Variants in MIPOL1 observed in about 807,000 individuals in gnomAD.
The protein encoded by MIPOL1 is mirror-image polydactyly gene 1 protein.
MIPOL1 carries 57 observed loss-of-function variants against 60.9 expected under a neutral mutation model. The observed-to-expected ratio is 0.94, with a 90% CI of 0.76 to 1.17. The LOEUF is 1.17. Among genes scored for constraint, MIPOL1 ranks in the 50% most tolerant of loss-of-function variants. The pLI, the probability that MIPOL1 is intolerant of heterozygous loss-of-function variation, is 0.00. For missense variants in MIPOL1, 551 were observed against 511.6 expected, an observed-to-expected ratio of 1.08 and a Z score of -0.74; for synonymous variants, 179 against 168.8, an observed-to-expected ratio of 1.06 and a Z score of -0.47.
chr14:37,452,006 G>A (rs372663648), intron 11 of MIPOL1, among the ~76,000 whole-genome samples: 9 of 150,874 alleles, frequency 6.0e-5, no homozygotes, highest in African/African-American at 2.0e-4. Flanking sequence ...TAGTAGAGAC[G>A]GGGTTTCACC....
chr14:37,376,105 AC>A (rs1244347158), intron 10 of MIPOL1, among the ~76,000 whole-genome samples: 9 of 152,160 alleles, frequency 5.9e-5, no homozygotes, highest in Admixed American at 4.6e-4. Flanking sequence ...CACTGGTCCC[AC>A]AGACATACAA....
At chr14:37,323,754 A>G (rs561241248) in intron 9 of MIPOL1, among the ~76,000 whole-genome samples, 1 of 151,966 alleles carries the variant, frequency 6.6e-6, no homozygotes, top group Non-Finnish European at 1.5e-5. Context: ...CCTCATTTAT[A>G]TTTCCTTCTA....
In MIPOL1 at chr14:37,285,328, A is replaced by C; in HGVS notation, c.504A>C (p.Glu168Asp). The C allele has an allele frequency of 6.2e-7, 1 of 1,614,010 alleles. No individual in the cohort carries two copies. Among genetic ancestry groups the C allele is most frequent in the Non-Finnish European group, 8.5e-7 (1 of 1,179,960 alleles). Residue 168 changes from glutamate (E) to aspartate (D), a missense_variant, in exon 7 of 13, where the codon GAA becomes GAC. Coordinates refer to ENST00000684589, the MANE Select transcript of MIPOL1 (RefSeq NM_001388067.1). Reference protein sequence around the residue: ...KIAEKTAALVEEVYFAQKERD... With the variant: ...KIAEKTAALVDEVYFAQKERD... ...TATATATTTTGGTAGCTCTGGTTGA[A>C]GAAGTGTATTTTGCGCAGAAGGAAC...
intron 12 of MIPOL1, among the ~76,000 whole-genome samples, chr14:37,517,974 A>T (rs1488274418): frequency 6.6e-6 from 1 of 152,212 alleles, no homozygotes; most frequent in African/African-American, 2.4e-5. Flanking sequence ...TTGAAATCAA[A>T]TTAAAAAGAT....
chr14:37,544,938 G>A (rs878944155), intron 12 of MIPOL1, among the ~76,000 whole-genome samples: 3 of 152,202 alleles, frequency 2.0e-5, no homozygotes, highest in Admixed American at 2.0e-4. Context: ...GAGCCTGTCT[G>A]TAAAGGAGAA....
intron 10 of MIPOL1, among the ~76,000 whole-genome samples, chr14:37,386,641 C>T (rs940399961): frequency 1.3e-4 from 20 of 151,802 alleles, no homozygotes; most frequent in African/African-American, 4.3e-4. Flanking sequence ...AGGTTAAGAA[C>T]CTGTATTCTA....
intron 1 of MIPOL1, among the ~76,000 whole-genome samples, chr14:37,236,989 C>T (rs1037378637): frequency 3.9e-5 from 6 of 152,094 alleles, no homozygotes; most frequent in East Asian, 1.9e-4. Flanking sequence ...TGGGCATGTG[C>T]GGGCTTTCTA....
intron 9 of MIPOL1, among the ~76,000 whole-genome samples, chr14:37,342,408 A>AT (rs1008918328): frequency 9.3e-4 from 134 of 144,266 alleles, no homozygotes; most frequent in East Asian, 2.3e-3. Flanking sequence ...GCAAATCACA[A>AT]TTTTTTTTTT....
chr14:37,422,513 C>T (rs1160806865), intron 10 of MIPOL1, among the ~76,000 whole-genome samples: 1 of 151,964 alleles, frequency 6.6e-6, no homozygotes, highest in Non-Finnish European at 1.5e-5. Context: ...ACCCATTGTA[C>T]TTATCTCTAC....
At chr14:37,297,181 A>G (rs977693135) in intron 7 of MIPOL1, among the ~76,000 whole-genome samples, 1 of 152,228 alleles carries the variant, frequency 6.6e-6, no homozygotes, top group African/African-American at 2.4e-5. Flanking sequence ...AATCCAGCAT[A>G]TAAACAGAAC....
At chr14:37,376,056 T>C (rs2092768713) in intron 10 of MIPOL1, among the ~76,000 whole-genome samples, 1 of 152,176 alleles carries the variant, frequency 6.6e-6, no homozygotes, top group Non-Finnish European at 1.5e-5. Context: ...TAGTTTTAGG[T>C]TCACATCAAA....
intron 9 of MIPOL1, among the ~76,000 whole-genome samples, chr14:37,341,037 A>G (rs2090532001): frequency 6.6e-6 from 1 of 152,210 alleles, no homozygotes; most frequent in South Asian, 2.1e-4. Flanking sequence ...GCTATACCAT[A>G]TAGCCTAGAT....
intron 10 of MIPOL1, among the ~76,000 whole-genome samples, chr14:37,371,250 G>A (rs1378158663): frequency 6.6e-6 from 1 of 151,718 alleles, no homozygotes; most frequent in Admixed American, 6.6e-5. Context: ...CTCCCGGGTA[G>A]CTGAGACTAC....
intron 10 of MIPOL1, among the ~76,000 whole-genome samples, chr14:37,414,721 G>A (rs187027751): frequency 6.6e-6 from 1 of 152,246 alleles, no homozygotes; most frequent in African/African-American, 2.4e-5. Flanking sequence ...AAGCCAAAGT[G>A]ATACAATACT....
At chr14:37,365,090 A>C (rs890318759) in intron 9 of MIPOL1, among the ~76,000 whole-genome samples, 2 of 152,134 alleles carry the variant, frequency 1.3e-5, no homozygotes, top group Admixed American at 6.6e-5. Context: ...CAATTCTAAC[A>C]GTTTTTTTGT....
intron 7 of MIPOL1, among the ~76,000 whole-genome samples, chr14:37,304,320 A>C (rs1286678781): frequency 6.6e-6 from 1 of 151,472 alleles, no homozygotes; most frequent in African/African-American, 2.4e-5. Flanking sequence ...CCTTGGCTTT[A>C]ATGCTTTTTC....
At chr14:37,325,291 C>A (rs2089033224) in intron 9 of MIPOL1, among the ~76,000 whole-genome samples, 1 of 152,032 alleles carries the variant, frequency 6.6e-6, no homozygotes, top group Non-Finnish European at 1.5e-5. Context: ...GATATGTTGA[C>A]ATATATTTTA....
intron 7 of MIPOL1, among the ~76,000 whole-genome samples, chr14:37,295,542 G>A (rs2085559002): frequency 6.6e-6 from 1 of 152,136 alleles, no homozygotes; most frequent in Admixed American, 6.5e-5. Context: ...CCATCAGTAT[G>A]CTGTATCAGG....
At chr14:37,418,553 C>T (rs2093812395) in intron 10 of MIPOL1, among the ~76,000 whole-genome samples, 2 of 151,880 alleles carry the variant, frequency 1.3e-5, no homozygotes, top group African/African-American at 4.8e-5. Context: ...ATTATGTCAC[C>T]TGGAATTATG....
Sources: gnomAD v4.1 joint callset for allele counts (sites outside exome capture counted in the v4.1 genomes callset) on GRCh38, gnomAD v4.1.1 for gene constraint, MANE v1.5 for transcripts, NCBI Gene and HGNC (gene_info 2026-07-23, HGNC 2026-07-21) for gene names.